WDR27: variants seen among roughly 807,000 people sequenced by gnomAD.
The protein encoded by WDR27 is WD repeat domain 27.
Under a neutral mutation model 114.4 loss-of-function variants are expected in WDR27, and 100 were observed. The observed-to-expected ratio is 0.87, with a 90% CI of 0.74 to 1.03. The LOEUF (loss-of-function observed/expected upper bound fraction) is 1.03, where lower values mean the gene tolerates loss of function less well. Among genes scored for constraint, WDR27 ranks in the 50% least tolerant of loss-of-function variants. The pLI is 0.00. For missense variants in WDR27, 1,129 were observed against 1,092.9 expected (o/e 1.03, Z -0.47); for synonymous variants, 449 against 423.1 (o/e 1.06, Z -0.75).
At chr6:169,687,385 T>A (rs182354078) in intron 2 of WDR27, among the ~76,000 whole-genome samples, 2 of 151,786 alleles carry the variant, frequency 1.3e-5, no homozygotes, top group African/African-American at 2.4e-5. Context: ...TTCAAATCAA[T>A]AGAAAAAAGA....
rs1315630057 is a variant in WDR27 at position 169,643,743 on chromosome 6, T to C, written c.1701A>G (p.Leu567=). ...CAGTCAGGCTGGCATCAAAAACGAG[T>C]AACAGATGGTTGGCCAACCCACAGG... ...WLACGLANHL[L]LVFDASLTGT... is the part of the protein sequence containing the mutation. The change falls in exon 17 of 26, where the codon TTA becomes TTG. Residue 567 remains leucine, a synonymous_variant. Coordinates refer to ENST00000448612, the MANE Select transcript of WDR27 (RefSeq NM_182552.5). 5.6e-6 allele frequency: 9 copies of C among 1,613,538 alleles called. No individual in the cohort carries two copies. The highest frequency in any genetic ancestry group is 1.7e-5 in the Admixed American group (1 of 59,996).
chr6:169,633,022 G>A lies in WDR27; in HGVS notation c.2148C>T (p.Asp716=), dbSNP rs746941273. The A allele has an allele frequency of 2.5e-6, 4 of 1,598,194 alleles. No individual in the cohort carries two copies. Among genetic ancestry groups the A allele is most frequent in the Admixed American group, 1.7e-5 (1 of 59,812 alleles). The change falls in exon 21 of 26, where the codon GAC becomes GAT. Residue 716 remains aspartate, a synonymous_variant. Transcript: ENST00000448612. ...CCGCTGCACTGCAGCCGGCGTTGAG[G>A]TCAAACACTTCCACGGTCCTGTTCC... is the stretch of plus-strand genomic sequence containing the variant. The part of the protein sequence containing the change: ...AGRNRTVEVF[D]LNAGCSAAVI...
chr6:169,695,648 C>A (rs899144072), intron 1 of WDR27, among the ~76,000 whole-genome samples: 1 of 152,080 alleles, frequency 6.6e-6, no homozygotes, highest in Non-Finnish European at 1.5e-5. Flanking sequence ...CTAAATACCC[C>A]GGGGCACGGT....
At chr6:169,437,606 T>G in the WDR27 span, among the ~76,000 whole-genome samples, 1 of 152,292 alleles carries the variant, frequency 6.6e-6, no homozygotes, top group Admixed American at 6.5e-5. Flanking sequence ...ACCCACTCCA[T>G]GTGATTTACC....
At chr6:169,677,160 G>C (rs1411880823) in intron 2 of WDR27, among the ~76,000 whole-genome samples, 1 of 152,234 alleles carries the variant, frequency 6.6e-6, no homozygotes, top group Non-Finnish European at 1.5e-5. Context: ...GATGCTGAGG[G>C]AAACTTTGGA....
At chr6:169,629,262 T>C (rs905152191) in intron 21 of WDR27, among the ~76,000 whole-genome samples, 1 of 152,196 alleles carries the variant, frequency 6.6e-6, no homozygotes, top group African/African-American at 2.4e-5. Context: ...ACTCCGAAAT[T>C]ATATTTTGCA....
intron 16 of WDR27, among the ~76,000 whole-genome samples, chr6:169,646,794 A>G (rs1468094609): frequency 2.4e-4 from 37 of 152,104 alleles, no homozygotes; most frequent in Non-Finnish European, 1.5e-5. Flanking sequence ...TGTCACCCAC[A>G]ATATTCAAAC....
chr6:169,485,489 A>G (rs551809720), intron 25 of WDR27, among the ~76,000 whole-genome samples: 1 of 152,340 alleles, frequency 6.6e-6, no homozygotes, highest in East Asian at 1.9e-4. Context: ...CAGAATGGCT[A>G]TTAAGAAGTC....
chr6:169,667,092 TACAC>T (rs1165837851), intron 6 of WDR27, 40 bp downstream of exon 6: 1 of 1,469,558 alleles, frequency 6.8e-7, no homozygotes, highest in East Asian at 2.7e-5. Context: ...AAAAGTGGGT[TACAC>T]ACAACCTATT....
At chr6:169,681,657 G>A (rs1309333992) in intron 2 of WDR27, among the ~76,000 whole-genome samples, 1 of 152,236 alleles carries the variant, frequency 6.6e-6, no homozygotes, top group Non-Finnish European at 1.5e-5. Flanking sequence ...TCTAGGCAAT[G>A]AACCTGAAAG....
At chr6:169,460,805 T>C (rs1317684929) in intron 25 of WDR27, among the ~76,000 whole-genome samples, 1 of 152,224 alleles carries the variant, frequency 6.6e-6, no homozygotes, top group Non-Finnish European at 1.5e-5. Context: ...CTTCCATATA[T>C]GCGAGTTTTA....
At chr6:169,686,671 C>G (rs1454876533) in intron 2 of WDR27, among the ~76,000 whole-genome samples, 1 of 152,012 alleles carries the variant, frequency 6.6e-6, no homozygotes, top group African/African-American at 2.4e-5. Flanking sequence ...ACAAGCAATA[C>G]ATTATATAAT....
intron 25 of WDR27, among the ~76,000 whole-genome samples, chr6:169,476,314 C>T (rs1787155158): frequency 1.3e-5 from 2 of 152,220 alleles, no homozygotes; most frequent in Admixed American, 1.3e-4. Flanking sequence ...TTGCTCCTTG[C>T]TCTCCCAGGG....
rs562258962 is a variant in WDR27 at position 169,675,696 on chromosome 6, T to C, written c.190-3300A>G. Among the ~76,000 whole-genome samples the C allele has an allele frequency of 4.6e-5, 7 of 152,260 alleles. No homozygotes were observed. The East Asian group carries it at 7.7e-4, about 17-fold the overall frequency. On this transcript the variant is annotated intron_variant, in intron 2 of 25. Transcript: ENST00000448612. ...ATTTTCTGGTTGACAATTGGTTGTT[T>C]ATCTAAAGATCTGAGATCGATAGGA...
intron 25 of WDR27, among the ~76,000 whole-genome samples, chr6:169,564,153 C>T (rs2006292): frequency 0.3 from 45,436 of 152,134 alleles, 7,623 homozygotes; most frequent in African/African-American, 0.44. Flanking sequence ...TAGTGTAAGT[C>T]CAAGGTCCAA....
chr6:169,674,535 AAG>A lies in WDR27; in HGVS notation c.190-2141_190-2140del, dbSNP rs555410799. ...AGCAATAGAAGCTATATAAAAATGAAAGAGAGAAAAAATACATTCATAACCAT... is the reference window on the plus strand; with the variant it reads ...AGCAATAGAAGCTATATAAAAATGAAAGAGAAAAAATACATTCATAACCAT... On this transcript the variant is annotated intron_variant, in intron 2 of 25. Transcript: ENST00000448612. 1.9e-3 allele frequency among the ~76,000 whole-genome samples: 295 copies of A among 152,348 alleles called. 2 individuals carry two copies. The highest frequency in any genetic ancestry group is 6.8e-3 in the African/African-American group (281 of 41,582).
chr6:169,575,011 T>C (rs372134150), intron 24 of WDR27, among the ~76,000 whole-genome samples: 2 of 152,170 alleles, frequency 1.3e-5, no homozygotes, highest in African/African-American at 2.4e-5. Context: ...GCTGGGACAC[T>C]AGTGTTCTCC....
intron 25 of WDR27, among the ~76,000 whole-genome samples, chr6:169,554,303 C>T (rs922241078): frequency 6.6e-6 from 1 of 152,152 alleles, no homozygotes; most frequent in African/African-American, 2.4e-5. Context: ...GTGCCTACCA[C>T]GCTCTAAGGG....
intron 24 of WDR27, among the ~76,000 whole-genome samples, chr6:169,572,756 C>A (rs1801663346): frequency 6.6e-6 from 1 of 152,046 alleles, no homozygotes; most frequent in African/African-American, 2.4e-5. Context: ...TTGTCTATAG[C>A]AGAACCCTTT....
Sources: gnomAD v4.1 joint callset for allele counts (sites outside exome capture counted in the v4.1 genomes callset) on GRCh38, gnomAD v4.1.1 for gene constraint, MANE v1.5 for transcripts, NCBI Gene and HGNC (gene_info 2026-07-23, HGNC 2026-07-21) for gene names.